PCDHA8: variants seen among roughly 807,000 people sequenced by gnomAD.
PCDHA8 encodes the protein protocadherin alpha-8.
A neutral mutation model predicts 61.8 loss-of-function variants in PCDHA8; 53 were observed. The observed-to-expected ratio is 0.86, with a 90% CI of 0.69 to 1.08. PCDHA8 has a LOEUF of 1.08. Ranked by LOEUF, PCDHA8 falls within the 50% of genes least tolerant of loss-of-function variation. The pLI, the probability that PCDHA8 is intolerant of heterozygous loss-of-function variation, is 0.00. For missense variants in PCDHA8, 1,293 were observed against 1,245.0 expected (o/e 1.04, Z -0.58); for synonymous variants, 618 against 556.6 (o/e 1.11, Z -1.55).
chr5:140,972,479 C>T (rs782631191), intron 1 of PCDHA8, among the ~76,000 whole-genome samples: 1 of 151,994 alleles, frequency 6.6e-6, no homozygotes, highest in Non-Finnish European at 1.5e-5. Flanking sequence ...CAGCATTTAA[C>T]CCCAGACTCT....
intron 1 of PCDHA8, among the ~76,000 whole-genome samples, chr5:140,879,010 G>C (rs2057809352): frequency 6.6e-6 from 1 of 152,200 alleles, no homozygotes; most frequent in Non-Finnish European, 1.5e-5. Context: ...CTAGAAATCA[G>C]ATAATGTTTT....
At chr5:141,000,414 TATA>T (rs1563651539) in intron 3 of PCDHA8, among the ~76,000 whole-genome samples, 16 of 99,530 alleles carry the variant, frequency 1.6e-4, no homozygotes, top group African/African-American at 2.5e-4. Flanking sequence ...TATATATATA[TATA>T]TATATTTTTT....
chr5:140,877,096 G>C (rs1554169320), intron 1 of PCDHA8: 1 of 1,613,378 alleles, frequency 6.2e-7, no homozygotes, highest in Non-Finnish European at 8.5e-7. Flanking sequence ...CGACGCCGGC[G>C]TGCCGCCTCT....
At chr5:140,967,346 G>A (rs1332345482) in intron 1 of PCDHA8, 1 of 1,607,970 alleles carries the variant, frequency 6.2e-7, no homozygotes, top group Non-Finnish European at 8.5e-7. Flanking sequence ...CGAGCACTTC[G>A]AGCTGGACCT....
At chr5:140,992,271 T>C (rs1375901464) in intron 3 of PCDHA8, among the ~76,000 whole-genome samples, 1 of 152,184 alleles carries the variant, frequency 6.6e-6, no homozygotes, top group African/African-American at 2.4e-5. Flanking sequence ...GTTCTTTTCG[T>C]AGCACATCCC....
chr5:140,883,534 A>G, intron 1 of PCDHA8: 1 of 1,614,196 alleles, frequency 6.2e-7, no homozygotes, highest in Non-Finnish European at 8.5e-7. Context: ...CAGCCTATGA[A>G]CTGGTGGTGA....
chr5:140,893,689 A>T (rs999117899), intron 1 of PCDHA8, among the ~76,000 whole-genome samples: 1 of 152,192 alleles, frequency 6.6e-6, no homozygotes, highest in Admixed American at 6.5e-5. Flanking sequence ...ATATCATCTC[A>T]TTCTATCCTA....
rs2150346345 is a variant in PCDHA8, at chr5:140,842,850, T to G, written c.1529T>G (p.Val510Gly). ...GERSLSSYIS[V>G]HTESGKVYAL... ...CGCTCGCTGTCGAGCTACATTTCGG[T>G]GCACACGGAGAGCGGCAAGGTGTAC... Residue 510 changes from valine to glycine, a missense_variant, in exon 1 of 4, where the codon GTG becomes GGG. Val to Gly is a moderately radical substitution (Grantham distance 109). Coordinates refer to ENST00000531613, the MANE Select transcript of PCDHA8 (RefSeq NM_018911.3). 1 of 1,593,838 alleles carries G rather than the reference T, an allele frequency of 6.3e-7. No homozygotes were observed. Among genetic ancestry groups the G allele is most frequent in the Non-Finnish European group, 8.6e-7 (1 of 1,165,334 alleles).
chr5:140,876,127 A>G lies in PCDHA8; in HGVS notation c.2394+32412A>G, dbSNP rs782626047. 2.5e-6 allele frequency: 4 copies of G among 1,613,984 alleles called. No homozygotes were observed. The South Asian group carries it at 3.3e-5, about 13-fold the overall frequency. ...ATTGCTGATGGTAATCGATGGCGGTAAACCAGAACTAACAGGGTCTGTCCA... is the reference window on the plus strand; with the variant it reads ...ATTGCTGATGGTAATCGATGGCGGTGAACCAGAACTAACAGGGTCTGTCCA... On this transcript the variant is annotated intron_variant, in intron 1 of 3. Coordinates refer to ENST00000531613, the MANE Select transcript of PCDHA8 (RefSeq NM_018911.3).
intron 1 of PCDHA8, among the ~76,000 whole-genome samples, chr5:140,975,246 G>T (rs1304794782): frequency 6.6e-6 from 1 of 152,136 alleles, no homozygotes; most frequent in Non-Finnish European, 1.5e-5. Context: ...TCCCTCTTAT[G>T]CTTCAGATCT....
Position 140,841,637 on chromosome 5 carries a change from C to G in PCDHA8, c.316C>G (p.Leu106Val), listed in dbSNP as rs2150319876. The G allele has an allele frequency of 4.3e-6, 7 of 1,614,008 alleles. No individual in the cohort carries two copies. Among genetic ancestry groups the G allele is most frequent in the Admixed American group, 3.3e-5 (2 of 59,990 alleles). ...GCGGAGCGCGGAGTGCAGCATCCAC[C>G]TGGAGGTGATCGTGGACAGGCCGCT... ...CGRSAECSIH[L>V]EVIVDRPLQV... is the part of the protein sequence containing the mutation. The change falls in exon 1 of 4, where the codon CTG becomes GTG. Residue 106 changes from leucine (L) to valine (V), a missense_variant. Coordinates refer to ENST00000531613, the MANE Select transcript of PCDHA8 (RefSeq NM_018911.3).
At chr5:140,875,430 C>G in intron 1 of PCDHA8, 1 of 1,557,170 alleles carries the variant, frequency 6.4e-7, no homozygotes. Context: ...CAAGCGATCC[C>G]TTAAAACTGA....
chr5:141,004,642 C>T (rs1470971220), intron 3 of PCDHA8, among the ~76,000 whole-genome samples: 1 of 152,120 alleles, frequency 6.6e-6, no homozygotes, highest in African/African-American at 2.4e-5. Context: ...GAAAAATTTC[C>T]ATTTTGGGCT....
chr5:140,969,483 G>T (rs531496681), intron 1 of PCDHA8: 15 of 1,462,254 alleles, frequency 1.0e-5, no homozygotes, highest in Non-Finnish European at 1.3e-5. Context: ...ATCATAATCT[G>T]CTATTTCCTC....
intron 1 of PCDHA8, chr5:140,856,972 C>T: frequency 6.3e-7 from 1 of 1,594,490 alleles, no homozygotes; most frequent in Non-Finnish European, 8.6e-7. Context: ...ATGCTATTGA[C>T]TTTGAGGACA....
intron 1 of PCDHA8, among the ~76,000 whole-genome samples, chr5:140,939,663 C>T (rs1282923741): frequency 6.6e-6 from 1 of 152,116 alleles, no homozygotes; most frequent in Non-Finnish European, 1.5e-5. Context: ...ACAGGAATAA[C>T]CAACTTGTAT....
At chr5:140,843,906 T>C in intron 1 of PCDHA8, 191 bp downstream of exon 1, 1 of 648,462 alleles carries the variant, frequency 1.5e-6, no homozygotes, top group Non-Finnish European at 2.6e-6. Context: ...TCTCCACAAG[T>C]TGGGTCTATC....
chr5:141,010,016 CT>C lies in PCDHA8; in HGVS notation c.*84del. 1 of 1,572,200 alleles carries C rather than the reference CT, an allele frequency of 6.4e-7. No homozygotes were observed. The highest frequency in any genetic ancestry group is 8.6e-7 in the Non-Finnish European group (1 of 1,163,240). On this transcript the variant is annotated 3_prime_UTR_variant, in exon 4 of 4. Transcript: ENST00000531613. Reference sequence around the variant, plus strand: ...TCTCCCATGTAGCAATTCCCTGCTCCTTTTTCCTATCTACATGAGCCCTCTT... The same window carrying C: ...TCTCCCATGTAGCAATTCCCTGCTCCTTTTCCTATCTACATGAGCCCTCTT...
intron 1 of PCDHA8, chr5:140,849,281 T>A: frequency 8.4e-7 from 1 of 1,191,174 alleles, no homozygotes; most frequent in Non-Finnish European, 1.2e-6. Flanking sequence ...CGCTGGTGAT[T>A]CACCCCAATG....
Sources: gnomAD v4.1 joint callset for allele counts (sites outside exome capture counted in the v4.1 genomes callset) on GRCh38, gnomAD v4.1.1 for gene constraint, MANE v1.5 for transcripts, NCBI Gene and HGNC (gene_info 2026-07-23, HGNC 2026-07-21) for gene names.